Variants in GPC5 observed in about 807,000 individuals in gnomAD.
GPC5 encodes glypican-5.
GPC5 carries 47 observed loss-of-function variants against 53.9 expected under a neutral mutation model. The observed-to-expected ratio is 0.87, with a 90% confidence interval of 0.69 to 1.11. The LOEUF (loss-of-function observed/expected upper bound fraction) is 1.11. GPC5 is among the 50% of genes most tolerant of loss of function. The pLI is 0.00. For missense variants in GPC5, 748 were observed against 713.1 expected (o/e 1.05, Z -0.56); for synonymous variants, 286 against 263.3 (o/e 1.09, Z -0.84).
chr13:91,413,629 C>A (rs1250071478), intron 1 of GPC5, among the ~76,000 whole-genome samples: 1 of 152,204 alleles, frequency 6.6e-6, no homozygotes. Flanking sequence ...GCCATCCTAT[C>A]GTCTTGAGCT....
chr13:92,777,417 G>A (rs993837831), intron 7 of GPC5, among the ~76,000 whole-genome samples: 1 of 150,722 alleles, frequency 6.6e-6, no homozygotes, highest in Admixed American at 6.6e-5. Context: ...GGCAGATCAC[G>A]AGGTCAAGAG....
intron 2 of GPC5, among the ~76,000 whole-genome samples, chr13:91,527,497 G>A (rs1001299807): frequency 3.9e-5 from 6 of 152,228 alleles, no homozygotes; most frequent in Non-Finnish European, 5.9e-5. Flanking sequence ...CCCCACAGCT[G>A]CTTTCACAGC....
intron 2 of GPC5, among the ~76,000 whole-genome samples, chr13:91,595,910 TA>T (rs1427805791): frequency 1.3e-5 from 2 of 152,362 alleles, no homozygotes; most frequent in African/African-American, 4.8e-5. Context: ...TTGGACTGAT[TA>T]TCTATCTACT....
chr13:91,553,112 A>G (rs962199605), intron 2 of GPC5, among the ~76,000 whole-genome samples: 3 of 152,134 alleles, frequency 2.0e-5, no homozygotes, highest in Non-Finnish European at 4.4e-5. Flanking sequence ...AAGAGTAAAT[A>G]TAAATGATTT....
At chr13:91,872,619 G>A (rs1426926204) in intron 5 of GPC5, among the ~76,000 whole-genome samples, 1 of 151,976 alleles carries the variant, frequency 6.6e-6, no homozygotes, top group Non-Finnish European at 1.5e-5. Context: ...TGACATATAG[G>A]ATGAATATAT....
At chr13:92,773,185 TAC>T (rs1285800131) in intron 7 of GPC5, among the ~76,000 whole-genome samples, 1 of 152,176 alleles carries the variant, frequency 6.6e-6, no homozygotes, top group Non-Finnish European at 1.5e-5. Flanking sequence ...CTGAAATAAA[TAC>T]ACATTCTCTT....
chr13:92,031,752 T>TATATTATATATAATATATAA (rs1566403212), intron 6 of GPC5, among the ~76,000 whole-genome samples: 1 of 43,758 alleles, frequency 2.3e-5, no homozygotes, highest in African/African-American at 1.3e-4. Context: ...ATAATATATA[T>TATATTATATATAATATATAA]TATATTACAT....
intron 5 of GPC5, among the ~76,000 whole-genome samples, chr13:91,833,882 A>C (rs951566063): frequency 2.6e-5 from 4 of 152,172 alleles, no homozygotes; most frequent in African/African-American, 9.7e-5. Context: ...TTGTATTGGA[A>C]GTTCTGGCCA....
At chr13:92,607,485 T>A (rs1234513002) in intron 7 of GPC5, among the ~76,000 whole-genome samples, 1 of 152,110 alleles carries the variant, frequency 6.6e-6, no homozygotes, top group Non-Finnish European at 1.5e-5. Context: ...AAAATTTCAA[T>A]CTCAGACATA....
At chr13:91,971,261 T>C (rs1457442829) in intron 6 of GPC5, among the ~76,000 whole-genome samples, 1 of 152,154 alleles carries the variant, frequency 6.6e-6, no homozygotes, top group African/African-American at 2.4e-5. Context: ...CGTAGAGGTG[T>C]TTGTAGTATT....
At chr13:92,154,469 C>A (rs971272865) in intron 7 of GPC5, among the ~76,000 whole-genome samples, 1 of 152,130 alleles carries the variant, frequency 6.6e-6, no homozygotes, top group African/African-American at 2.4e-5. Flanking sequence ...TTGAATTTTT[C>A]TTTATTGAAC....
intron 5 of GPC5, among the ~76,000 whole-genome samples, chr13:91,832,367 T>C (rs184450059): frequency 4.0e-3 from 603 of 150,862 alleles, no homozygotes; most frequent in Middle Eastern, 6.8e-3. Context: ...ATTTTGAGCC[T>C]ATGTGTGTTT....
intron 2 of GPC5, among the ~76,000 whole-genome samples, chr13:91,485,507 T>G (rs1883558414): frequency 6.6e-6 from 1 of 152,220 alleles, no homozygotes; most frequent in Admixed American, 6.5e-5. Flanking sequence ...CGTGAGCCAC[T>G]GCGCCCGGCC....
At chr13:91,405,135 C>T (rs1474132488) in intron 1 of GPC5, among the ~76,000 whole-genome samples, 2 of 152,200 alleles carry the variant, frequency 1.3e-5, no homozygotes, top group African/African-American at 2.4e-5. Flanking sequence ...ACATCAAAGG[C>T]ACATGTGCCA....
At chr13:92,166,922 T>TCG (rs1491208673) in intron 7 of GPC5, among the ~76,000 whole-genome samples, 5 of 68,284 alleles carry the variant, frequency 7.3e-5, no homozygotes, top group Non-Finnish European at 1.3e-4. Context: ...TAAGTCTCAG[T>TCG]CTCTCTCTCT....
At chr13:92,646,139 A>G (rs904304363) in intron 7 of GPC5, among the ~76,000 whole-genome samples, 3 of 152,110 alleles carry the variant, frequency 2.0e-5, no homozygotes, top group African/African-American at 7.2e-5. Flanking sequence ...ACTTTCTGCT[A>G]GAAGTTCTAG....
At chr13:92,002,716 C>T (rs1009488708) in intron 6 of GPC5, among the ~76,000 whole-genome samples, 1 of 152,076 alleles carries the variant, frequency 6.6e-6, no homozygotes, top group African/African-American at 2.4e-5. Flanking sequence ...ATAAAGTGAA[C>T]AACAACCAAA....
intron 6 of GPC5, among the ~76,000 whole-genome samples, chr13:91,967,286 A>G (rs533550477): frequency 6.6e-6 from 1 of 152,188 alleles, no homozygotes; most frequent in Non-Finnish European, 1.5e-5. Flanking sequence ...CTCCCACAAC[A>G]CATGGGAATT....
intron 7 of GPC5, among the ~76,000 whole-genome samples, chr13:92,398,322 G>C (rs1338990303): frequency 6.8e-6 from 1 of 146,454 alleles, no homozygotes; most frequent in Non-Finnish European, 1.5e-5. Context: ...CCAGCTACTT[G>C]GGAGGCTGAG....
Sources: allele counts gnomAD v4.1 joint callset (sites outside exome capture counted in the v4.1 genomes callset), GRCh38; gene constraint gnomAD v4.1.1; transcripts MANE v1.5; gene names NCBI Gene and HGNC (gene_info 2026-07-23, HGNC 2026-07-21).